Variants in RBMS3 observed in about 807,000 individuals in gnomAD.
RBMS3 encodes the protein RNA binding motif single stranded interacting protein 3, also known as RNA-binding motif, single-stranded-interacting protein 3.
RBMS3 carries 27 observed loss-of-function variants against 66.8 expected under a neutral mutation model. The observed-to-expected ratio is 0.40, with a 90% CI of 0.30 to 0.56. The LOEUF (loss-of-function observed/expected upper bound fraction) is 0.56, where lower values mean the gene tolerates loss of function less well. Among genes scored for constraint, RBMS3 ranks in the 20% least tolerant of loss-of-function variants. The pLI, the probability that RBMS3 is intolerant of heterozygous loss-of-function variation, is 0.40. For missense variants in RBMS3, 513 were observed against 549.5 expected, an observed-to-expected ratio of 0.93 and a Z score of 0.66; for synonymous variants, 188 against 183.0, an observed-to-expected ratio of 1.03 and a Z score of -0.22.
chr3:29,562,373 C>T (rs1051743411), intron 3 of RBMS3, among the ~76,000 whole-genome samples: 1 of 152,012 alleles, frequency 6.6e-6, no homozygotes, highest in Non-Finnish European at 1.5e-5. Context: ...TGAAATTTCT[C>T]AACTTTGAAA....
At chr3:29,585,693 C>A (rs2047493815) in intron 3 of RBMS3, among the ~76,000 whole-genome samples, 1 of 152,114 alleles carries the variant, frequency 6.6e-6, no homozygotes, top group Non-Finnish European at 1.5e-5. Context: ...ACTATTACTT[C>A]CACTTTTTTT....
intron 1 of RBMS3, among the ~76,000 whole-genome samples, chr3:29,420,087 G>T (rs993279915): frequency 8.7e-4 from 133 of 152,296 alleles, no homozygotes; most frequent in African/African-American, 3.1e-3. Flanking sequence ...AGCAAGAAAT[G>T]ATGTTAGTAA....
At chr3:29,863,644 C>T (rs944997367) in intron 6 of RBMS3, among the ~76,000 whole-genome samples, 2 of 152,012 alleles carry the variant, frequency 1.3e-5, no homozygotes, top group Non-Finnish European at 2.9e-5. Flanking sequence ...TTTATGAAGA[C>T]AGTGCACAAA....
In RBMS3 at chr3:29,288,634, G is replaced by C. The variant is rs147317664; in HGVS notation, c.75+6878G>C. Among the ~76,000 whole-genome samples the C allele has an allele frequency of 4.7e-3, 721 of 152,158 alleles. 10 individuals carry two copies. The highest frequency in any genetic ancestry group is 0.017 in the African/African-American group (691 of 41,556). ...TGGTTATGCATGTTTGGCTAAACCA[G>C]TTGAGTTAATGAAGGAGACTAGAAT... On this transcript the variant is annotated intron_variant, in intron 1 of 14. Coordinates refer to ENST00000383767, the MANE Select transcript of RBMS3 (RefSeq NM_001003793.3).
At chr3:29,851,036 C>T (rs895037547) in intron 6 of RBMS3, among the ~76,000 whole-genome samples, 5 of 152,202 alleles carry the variant, frequency 3.3e-5, no homozygotes, top group African/African-American at 7.2e-5. Context: ...TCCCTCCTTT[C>T]TTTTAGAACT....
chr3:29,509,817 G>T (rs1367586231), intron 3 of RBMS3, among the ~76,000 whole-genome samples: 1 of 152,120 alleles, frequency 6.6e-6, no homozygotes, highest in Non-Finnish European at 1.5e-5. Context: ...AGTGAGAATT[G>T]TACACCTATT....
At chr3:29,931,257 CAT>C (rs1346557362) in intron 10 of RBMS3, among the ~76,000 whole-genome samples, 1 of 152,088 alleles carries the variant, frequency 6.6e-6, no homozygotes, top group Admixed American at 6.6e-5. Flanking sequence ...GTTGTATAAA[CAT>C]AATGTCTTCC....
intron 12 of RBMS3, among the ~76,000 whole-genome samples, chr3:29,949,121 T>C (rs890473797): frequency 2.0e-5 from 3 of 151,530 alleles, no homozygotes; most frequent in Non-Finnish European, 4.4e-5. Flanking sequence ...CCATAATTGT[T>C]ATTTATGTAT....
chr3:29,285,488 G>A (rs2032246111), intron 1 of RBMS3, among the ~76,000 whole-genome samples: 1 of 152,068 alleles, frequency 6.6e-6, no homozygotes, highest in Admixed American at 6.6e-5. Context: ...ACCCTTACCA[G>A]TTCACTATGT....
At chr3:29,485,020 C>A (rs965863251) in intron 2 of RBMS3, among the ~76,000 whole-genome samples, 1 of 152,070 alleles carries the variant, frequency 6.6e-6, no homozygotes, top group African/African-American at 2.4e-5. Context: ...AAAATAAATT[C>A]TTTATTGAAG....
chr3:29,969,325 C>T (rs558555837), intron 12 of RBMS3, among the ~76,000 whole-genome samples: 2 of 152,188 alleles, frequency 1.3e-5, no homozygotes, highest in South Asian at 4.2e-4. Flanking sequence ...ATATGATCTC[C>T]CCAACCACAA....
chr3:29,305,930 C>CA (rs2033978719), intron 1 of RBMS3, among the ~76,000 whole-genome samples: 1 of 151,988 alleles, frequency 6.6e-6, no homozygotes, highest in African/African-American at 2.4e-5. Flanking sequence ...CCCACTGACT[C>CA]AGCTGTCACA....
chr3:29,745,801 A>G (rs1386818046), intron 5 of RBMS3, among the ~76,000 whole-genome samples: 1 of 151,918 alleles, frequency 6.6e-6, no homozygotes, highest in African/African-American at 2.4e-5. Flanking sequence ...TGTTTGAATG[A>G]CTTCTAACAT....
chr3:29,683,968 C>G (rs1355521549), intron 4 of RBMS3, among the ~76,000 whole-genome samples: 1 of 152,088 alleles, frequency 6.6e-6, no homozygotes, highest in Admixed American at 6.6e-5. Flanking sequence ...ATTTATGTAG[C>G]TCTTTAAGAA....
intron 1 of RBMS3, among the ~76,000 whole-genome samples, chr3:29,308,758 A>AAC (rs1553630898): frequency 0.09 from 8,017 of 88,892 alleles, 256 homozygotes; most frequent in Non-Finnish European, 0.13. Context: ...AAAAAAAACA[A>AAC]AAAAAAAAAC....
Position 29,469,855 on chromosome 3 carries a change from A to G in RBMS3, c.249-18586A>G, listed in dbSNP as rs138352871. 4.9e-3 allele frequency among the ~76,000 whole-genome samples: 731 copies of G among 149,594 alleles called. 5 individuals are homozygous for G. The highest frequency in any genetic ancestry group is 0.017 in the African/African-American group (703 of 40,782). Reference sequence around the variant, plus strand: ...AGCCATGTATTCTTTAAATTCTGTCATGTGTTAATTTTTAATTTTTTACAT... The same window carrying G: ...AGCCATGTATTCTTTAAATTCTGTCGTGTGTTAATTTTTAATTTTTTACAT... On this transcript the variant is annotated intron_variant, in intron 2 of 14. Coordinates refer to ENST00000383767, the MANE Select transcript of RBMS3 (RefSeq NM_001003793.3).
At chr3:29,508,119 C>T (rs535388015) in intron 3 of RBMS3, among the ~76,000 whole-genome samples, 41 of 152,226 alleles carry the variant, frequency 2.7e-4, no homozygotes, top group Admixed American at 2.6e-4. Context: ...TAAGGCCTCT[C>T]GTCATCTGGC....
At chr3:29,531,737 C>G (rs903659124) in intron 3 of RBMS3, among the ~76,000 whole-genome samples, 2 of 152,294 alleles carry the variant, frequency 1.3e-5, no homozygotes, top group African/African-American at 4.8e-5. Context: ...GGATGTTTTC[C>G]TGGTAATGAC....
chr3:29,425,568 G>GT (rs1023918949), intron 1 of RBMS3, among the ~76,000 whole-genome samples: 7 of 151,922 alleles, frequency 4.6e-5, no homozygotes, highest in African/African-American at 1.5e-4. Context: ...AACCAAGGTG[G>GT]TGGAGGTTGC....
Sources: allele counts gnomAD v4.1 joint callset (sites outside exome capture counted in the v4.1 genomes callset), GRCh38; gene constraint gnomAD v4.1.1; transcripts MANE v1.5; gene names NCBI Gene and HGNC (gene_info 2026-07-23, HGNC 2026-07-21).